The following CLSTN2 variants were observed in gnomAD, a reference collection of about 807,000 sequenced individuals.
CLSTN2 encodes the protein calsyntenin-2.
CLSTN2 carries 48 observed loss-of-function variants against 101.2 expected under a neutral mutation model. The ratio of observed to expected loss-of-function variants is 0.47; its 90% confidence interval spans 0.38 to 0.60. The LOEUF is 0.60. CLSTN2 is among the 20% of genes least tolerant of loss of function. The pLI is 0.00. For missense variants in CLSTN2, 1,160 were observed against 1,238.2 expected (o/e 0.94, Z 0.95); for synonymous variants, 481 against 463.6 (o/e 1.04, Z -0.48).
Position 140,266,716 on chromosome 3 carries a change from A to T in CLSTN2, c.232+90643A>T, listed in dbSNP as rs1462917236. On this transcript the variant is annotated intron_variant, in intron 2 of 16. Coordinates refer to ENST00000458420, the MANE Select transcript of CLSTN2 (RefSeq NM_022131.3). ...TAAACCTCAGAAAAACTATTGTTGGACTAATGGTCAAAACACAAAGATCTT... is the reference window on the plus strand; with the variant it reads ...TAAACCTCAGAAAAACTATTGTTGGTCTAATGGTCAAAACACAAAGATCTT... Among the ~76,000 whole-genome samples, 5 of 152,324 alleles carry T rather than the reference A, an allele frequency of 3.3e-5. No homozygotes were observed. In the South Asian group the frequency reaches 1.0e-3, roughly 32 times the overall value.
chr3:140,445,063 T>A (rs7614605), intron 5 of CLSTN2, among the ~76,000 whole-genome samples: 86,386 of 152,048 alleles, frequency 0.57, 25,429 homozygotes, highest in South Asian at 0.73. Flanking sequence ...GTTGCAATTT[T>A]GCCTGCTCCT....
chr3:140,272,197 C>A (rs2086748339), intron 2 of CLSTN2, among the ~76,000 whole-genome samples: 1 of 152,116 alleles, frequency 6.6e-6, no homozygotes, highest in South Asian at 2.1e-4. Context: ...GGGGAAAAAA[C>A]AGTTTTTGAA....
intron 1 of CLSTN2, among the ~76,000 whole-genome samples, chr3:140,051,315 G>T (rs996596100): frequency 6.6e-6 from 1 of 152,216 alleles, no homozygotes; most frequent in African/African-American, 2.4e-5. Context: ...GACTGTTTCT[G>T]ATAAATGAGA....
intron 1 of CLSTN2, among the ~76,000 whole-genome samples, chr3:140,132,555 T>C (rs2107804733): frequency 6.6e-6 from 1 of 152,316 alleles, no homozygotes; most frequent in African/African-American, 2.4e-5. Context: ...AGGAGTTGTT[T>C]AGTATGTCTT....
At chr3:140,058,697 G>T (rs1239462993) in intron 1 of CLSTN2, among the ~76,000 whole-genome samples, 2 of 151,922 alleles carry the variant, frequency 1.3e-5, no homozygotes, top group Non-Finnish European at 2.9e-5. Context: ...AACAGAGGGA[G>T]ATATGCAAAA....
intron 2 of CLSTN2, among the ~76,000 whole-genome samples, chr3:140,338,569 C>T (rs1173512405): frequency 1.3e-5 from 2 of 152,122 alleles, no homozygotes; most frequent in South Asian, 2.1e-4. Flanking sequence ...TCCAGTCCCC[C>T]CCCGGCCTCA....
chr3:140,068,330 T>G (rs996924281), intron 1 of CLSTN2, among the ~76,000 whole-genome samples: 2 of 152,212 alleles, frequency 1.3e-5, no homozygotes, highest in Non-Finnish European at 2.9e-5. Flanking sequence ...TTAGAATCTT[T>G]ACAAACAGAC....
chr3:140,369,999 A>G (rs2087833286), intron 2 of CLSTN2, among the ~76,000 whole-genome samples: 1 of 152,224 alleles, frequency 6.6e-6, no homozygotes, highest in South Asian at 2.1e-4. Flanking sequence ...GTGGGTTGGG[A>G]GGTCATGTCT....
chr3:140,402,590 G>A (rs557129590), intron 2 of CLSTN2, among the ~76,000 whole-genome samples: 3 of 152,288 alleles, frequency 2.0e-5, no homozygotes, highest in African/African-American at 7.2e-5. Flanking sequence ...GGACTAGGGT[G>A]AGGCAAGAAG....
At chr3:140,333,258 G>A (rs770490329) in intron 2 of CLSTN2, among the ~76,000 whole-genome samples, 1 of 152,158 alleles carries the variant, frequency 6.6e-6, no homozygotes, top group African/African-American at 2.4e-5. Flanking sequence ...GCTACCACCA[G>A]TGAGGACTTA....
chr3:140,452,976 G>T (rs1024141017), intron 6 of CLSTN2, among the ~76,000 whole-genome samples: 2 of 152,184 alleles, frequency 1.3e-5, no homozygotes, highest in African/African-American at 4.8e-5. Flanking sequence ...CTTTCCAGAG[G>T]TGCGTGTCAC....
intron 1 of CLSTN2, among the ~76,000 whole-genome samples, chr3:140,111,194 G>T (rs1471868217): frequency 6.6e-6 from 1 of 152,076 alleles, no homozygotes; most frequent in Non-Finnish European, 1.5e-5. Flanking sequence ...TCTATTTTAT[G>T]CTTTGTATTT....
intron 1 of CLSTN2, among the ~76,000 whole-genome samples, chr3:140,150,378 A>G (rs531659499): frequency 6.6e-6 from 1 of 152,218 alleles, no homozygotes; most frequent in Non-Finnish European, 1.5e-5. Flanking sequence ...AATGACATCT[A>G]CATCATTGGA....
At chr3:140,184,354 G>T (rs1401963452) in intron 2 of CLSTN2, among the ~76,000 whole-genome samples, 1 of 152,154 alleles carries the variant, frequency 6.6e-6, no homozygotes, top group East Asian at 1.9e-4. Context: ...GGATGGGGAG[G>T]CCTCAGGAAA....
intron 1 of CLSTN2, among the ~76,000 whole-genome samples, chr3:140,007,768 C>T (rs544920939): frequency 3.9e-5 from 6 of 152,310 alleles, no homozygotes; most frequent in Non-Finnish European, 8.8e-5. Flanking sequence ...TGTGTGCATA[C>T]TGAGACTGTA....
chr3:140,528,179 T>C (rs758800478), intron 8 of CLSTN2, among the ~76,000 whole-genome samples: 2 of 152,178 alleles, frequency 1.3e-5, no homozygotes, highest in Non-Finnish European at 2.9e-5. Context: ...GATTAAATAG[T>C]ATAAGGAGGA....
At chr3:140,396,933 T>C (rs1392137583) in intron 2 of CLSTN2, among the ~76,000 whole-genome samples, 1 of 152,190 alleles carries the variant, frequency 6.6e-6, no homozygotes, top group Non-Finnish European at 1.5e-5. Context: ...TTATGACCCC[T>C]TTACACTCTT....
intron 2 of CLSTN2, among the ~76,000 whole-genome samples, chr3:140,369,326 T>C (rs2087825839): frequency 6.6e-6 from 1 of 152,298 alleles, no homozygotes; most frequent in East Asian, 1.9e-4. Flanking sequence ...AATAAGAAAA[T>C]AAGAGATAGT....
chr3:140,085,363 C>A (rs977718475), intron 1 of CLSTN2, among the ~76,000 whole-genome samples: 1 of 152,196 alleles, frequency 6.6e-6, no homozygotes, highest in Non-Finnish European at 1.5e-5. Flanking sequence ...AGCCTTTAGA[C>A]CCGCTTACTT....
Sources: allele counts gnomAD v4.1 joint callset (sites outside exome capture counted in the v4.1 genomes callset), GRCh38; gene constraint gnomAD v4.1.1; transcripts MANE v1.5; gene names NCBI Gene and HGNC (gene_info 2026-07-23, HGNC 2026-07-21).